The following FOXJ3 variants were observed in gnomAD, a reference collection of about 807,000 sequenced individuals.
FOXJ3 encodes the protein forkhead box J3, also known as forkhead box protein J3.
FOXJ3 carries 22 observed loss-of-function variants against 76.1 expected under a neutral mutation model. The observed-to-expected ratio is 0.29, with a 90% CI of 0.21 to 0.41. The LOEUF is 0.41. Ranked by LOEUF, FOXJ3 falls within the 10% of genes least tolerant of loss-of-function variation. The probability of loss-of-function intolerance (pLI) is 1.00; values close to 1 mark genes in which losing one functional copy is unlikely to be tolerated. For synonymous variants in FOXJ3, 269 were observed against 261.2 expected, an observed-to-expected ratio of 1.03 and a Z score of -0.29; for missense variants, 613 against 762.1, an observed-to-expected ratio of 0.80 and a Z score of 2.30.
At chr1:42,208,780 T>C (rs915103376) in intron 5 of FOXJ3, among the ~76,000 whole-genome samples, 1 of 152,170 alleles carries the variant, frequency 6.6e-6, no homozygotes, top group Admixed American at 6.5e-5. Flanking sequence ...GAAACTACCA[T>C]AAGTCAAAAA....
intron 4 of FOXJ3, among the ~76,000 whole-genome samples, chr1:42,256,444 A>C (rs181384813): frequency 7.5e-4 from 114 of 152,382 alleles, no homozygotes; most frequent in Admixed American, 1.2e-3. Flanking sequence ...AGGAGAAGAT[A>C]CACAAATGCC....
chr1:42,218,270 G>A lies in FOXJ3; in HGVS notation c.528+9613C>T, dbSNP rs114170467. Among the ~76,000 whole-genome samples, 1,086 of 152,274 alleles carry A rather than the reference G, an allele frequency of 7.1e-3. 22 individuals are homozygous for A. The highest frequency in any genetic ancestry group is 0.025 in the African/African-American group (1,049 of 41,562). ...TTGAGAAACTGAATTACAAATAACA[G>A]CATGACAACAATTTCAGATACATGT... On this transcript the variant is annotated intron_variant, in intron 5 of 12. Transcript: ENST00000361346.
chr1:42,274,593 A>G (rs1361595295), intron 3 of FOXJ3, among the ~76,000 whole-genome samples: 1 of 152,160 alleles, frequency 6.6e-6, no homozygotes, highest in Admixed American at 6.5e-5. Flanking sequence ...CACCTTTAAA[A>G]TTTGGAAAAT....
intron 7 of FOXJ3, among the ~76,000 whole-genome samples, chr1:42,196,717 C>G (rs1246985238): frequency 6.6e-6 from 1 of 152,094 alleles, no homozygotes; most frequent in Non-Finnish European, 1.5e-5. Context: ...AAGCAGTCTA[C>G]AAAGTCTAGC....
intron 2 of FOXJ3, among the ~76,000 whole-genome samples, chr1:42,292,977 T>C (rs1035561990): frequency 2.6e-5 from 4 of 152,060 alleles, no homozygotes; most frequent in Non-Finnish European, 4.4e-5. Flanking sequence ...GGTGGGCACC[T>C]GTAGTCCCAG....
intron 4 of FOXJ3, among the ~76,000 whole-genome samples, chr1:42,257,768 A>G (rs1650719411): frequency 6.6e-6 from 1 of 151,458 alleles, no homozygotes; most frequent in Admixed American, 6.6e-5. Context: ...AAGAAAATGC[A>G]TCAGAAATGA....
At chr1:42,190,255 T>TC (rs1557621858) in intron 9 of FOXJ3, among the ~76,000 whole-genome samples, 1 of 152,156 alleles carries the variant, frequency 6.6e-6, no homozygotes, top group African/African-American at 2.4e-5. Context: ...TTCTAGGACC[T>TC]CCCCCGGATG....
At chr1:42,189,586 A>C (rs1483864171) in intron 9 of FOXJ3, 182 bp from the exon 10 acceptor site, 5 of 487,398 alleles carry the variant, frequency 1.0e-5, no homozygotes, top group Non-Finnish European at 1.9e-5. Flanking sequence ...GAAAGGTATT[A>C]TTTCTCTCCA....
At chr1:42,186,636 T>C (rs921981029) in intron 11 of FOXJ3, among the ~76,000 whole-genome samples, 1 of 152,060 alleles carries the variant, frequency 6.6e-6, no homozygotes, top group Admixed American at 6.5e-5. Flanking sequence ...GGAAAATAAC[T>C]CAGGATCTCA....
At chr1:42,197,656 C>T (rs1646677402) in intron 7 of FOXJ3, among the ~76,000 whole-genome samples, 1 of 150,846 alleles carries the variant, frequency 6.6e-6, no homozygotes, top group Non-Finnish European at 1.5e-5. Context: ...AGTTGTTAAA[C>T]TATATTTTTT....
intron 5 of FOXJ3, among the ~76,000 whole-genome samples, chr1:42,207,613 C>T (rs1646885527): frequency 6.6e-6 from 1 of 152,204 alleles, no homozygotes; most frequent in African/African-American, 2.4e-5. Flanking sequence ...ATTTGTCCCA[C>T]ACATGATCCT....
intron 6 of FOXJ3, among the ~76,000 whole-genome samples, chr1:42,202,974 A>C (rs1161089164): frequency 2.0e-5 from 3 of 152,220 alleles, no homozygotes; most frequent in African/African-American, 7.2e-5. Context: ...CACACTAAAA[A>C]CAACCTTGTG....
intron 4 of FOXJ3, among the ~76,000 whole-genome samples, chr1:42,236,423 C>T (rs547525836): frequency 4.6e-5 from 7 of 152,242 alleles, no homozygotes; most frequent in East Asian, 1.9e-4. Flanking sequence ...CTTGAACTTC[C>T]GGCCTCTAAG....
intron 4 of FOXJ3, among the ~76,000 whole-genome samples, chr1:42,242,969 C>T (rs1007556841): frequency 6.6e-6 from 1 of 152,130 alleles, no homozygotes; most frequent in Admixed American, 6.5e-5. Flanking sequence ...TATAAGACAA[C>T]CTTCATCAGA....
At chr1:42,298,312 CAGA>C (rs1653917539) in intron 2 of FOXJ3, among the ~76,000 whole-genome samples, 1 of 152,206 alleles carries the variant, frequency 6.6e-6, no homozygotes, top group African/African-American at 2.4e-5. Flanking sequence ...CAGACTAATA[CAGA>C]AGTTTTCCTT....
At chr1:42,209,715 C>T (rs1646929278) in intron 5 of FOXJ3, among the ~76,000 whole-genome samples, 1 of 152,228 alleles carries the variant, frequency 6.6e-6, no homozygotes, top group South Asian at 2.1e-4. Context: ...ACATGCTTTA[C>T]ATCCATTCCC....
intron 4 of FOXJ3, among the ~76,000 whole-genome samples, chr1:42,251,359 GA>G (rs1377470941): frequency 1.3e-5 from 2 of 152,010 alleles, no homozygotes; most frequent in South Asian, 2.1e-4. Context: ...TCCATACCCA[GA>G]AAAAAGTATA....
chr1:42,213,193 A>G (rs186693881), intron 5 of FOXJ3, among the ~76,000 whole-genome samples: 1 of 152,262 alleles, frequency 6.6e-6, no homozygotes, highest in Admixed American at 6.5e-5. Context: ...ACTATGTAAC[A>G]ATCAACAGCA....
At chr1:42,215,840 A>G (rs915352353) in intron 5 of FOXJ3, among the ~76,000 whole-genome samples, 1 of 152,158 alleles carries the variant, frequency 6.6e-6, no homozygotes, top group South Asian at 2.1e-4. Flanking sequence ...TCCAGACTGT[A>G]TATCTAATAA....
Sources: allele counts gnomAD v4.1 joint callset (sites outside exome capture counted in the v4.1 genomes callset), GRCh38; gene constraint gnomAD v4.1.1; transcripts MANE v1.5; gene names NCBI Gene and HGNC (gene_info 2026-07-23, HGNC 2026-07-21).